GRIK2: variants seen among roughly 807,000 people sequenced by gnomAD.
GRIK2 encodes glutamate receptor ionotropic, kainate 2.
A neutral mutation model predicts 100.3 loss-of-function variants in GRIK2; 32 were observed. The observed-to-expected ratio is 0.32, with a 90% CI of 0.24 to 0.43. The LOEUF (loss-of-function observed/expected upper bound fraction) is 0.43, where lower values mean the gene tolerates loss of function less well. Among genes scored for constraint, GRIK2 ranks in the 20% least tolerant of loss-of-function variants. The probability of loss-of-function intolerance (pLI) is 1.00; values close to 1 mark genes in which losing one functional copy is unlikely to be tolerated. For synonymous variants in GRIK2, 417 were observed against 389.4 expected (o/e 1.07, Z -0.83); for missense variants, 843 against 1,114.9 (o/e 0.76, Z 3.47).
At chr6:101,933,311 C>T (rs982597393) in intron 14 of GRIK2, among the ~76,000 whole-genome samples, 4 of 151,646 alleles carry the variant, frequency 2.6e-5, no homozygotes, top group African/African-American at 9.7e-5. Context: ...ATTTTCTTTT[C>T]CTCTCCTCCT....
intron 4 of GRIK2, among the ~76,000 whole-genome samples, chr6:101,667,329 A>C (rs1452268926): frequency 1.3e-5 from 2 of 152,114 alleles, no homozygotes; most frequent in Non-Finnish European, 2.9e-5. Flanking sequence ...CAAAAACATA[A>C]TGGCCGAATT....
chr6:101,960,286 T>C (rs1792213471), intron 14 of GRIK2, among the ~76,000 whole-genome samples: 1 of 152,022 alleles, frequency 6.6e-6, no homozygotes, highest in Non-Finnish European at 1.5e-5. Context: ...TTGGATCTCA[T>C]TAAGCTTCCT....
At chr6:101,712,657 T>A (rs1425318325) in intron 7 of GRIK2, among the ~76,000 whole-genome samples, 4 of 151,798 alleles carry the variant, frequency 2.6e-5, no homozygotes, top group African/African-American at 9.7e-5. Flanking sequence ...AAAGTGCTTA[T>A]GAGAAAGAAG....
chr6:101,610,553 C>A (rs1045353090), intron 2 of GRIK2, among the ~76,000 whole-genome samples: 15 of 151,708 alleles, frequency 9.9e-5, no homozygotes, highest in African/African-American at 3.6e-4. Context: ...CCCATATTTG[C>A]AAAAGACTGG....
intron 7 of GRIK2, among the ~76,000 whole-genome samples, chr6:101,793,184 A>C (rs1780017310): frequency 6.6e-6 from 1 of 152,026 alleles, no homozygotes; most frequent in African/African-American, 2.4e-5. Context: ...TAGTTTGATC[A>C]TCTGAAGCCT....
intron 2 of GRIK2, among the ~76,000 whole-genome samples, chr6:101,418,519 T>C (rs1057431196): frequency 6.6e-6 from 1 of 152,212 alleles, no homozygotes; most frequent in Non-Finnish European, 1.5e-5. Flanking sequence ...TTGCAAACGA[T>C]TGTCTTTTGT....
intron 2 of GRIK2, among the ~76,000 whole-genome samples, chr6:101,579,952 A>G (rs1452313435): frequency 1.3e-5 from 2 of 151,814 alleles, no homozygotes; most frequent in African/African-American, 4.8e-5. Context: ...TTCCTTTCCA[A>G]CTTTATGACT....
At chr6:101,427,081 C>T (rs1308436232) in intron 2 of GRIK2, among the ~76,000 whole-genome samples, 1 of 152,170 alleles carries the variant, frequency 6.6e-6, no homozygotes, top group Non-Finnish European at 1.5e-5. Flanking sequence ...TGAGAGGGGC[C>T]TGTGGAGCTT....
At chr6:101,511,551 T>C (rs886212205) in intron 2 of GRIK2, among the ~76,000 whole-genome samples, 14 of 151,852 alleles carry the variant, frequency 9.2e-5, no homozygotes, top group African/African-American at 3.4e-4. Context: ...GTATAAAATA[T>C]ATGAATAATA....
chr6:102,060,586 T>C (rs1771697042), intron 16 of GRIK2, among the ~76,000 whole-genome samples: 1 of 150,794 alleles, frequency 6.6e-6, no homozygotes, highest in Non-Finnish European at 1.5e-5. Context: ...TTTAGAAGAA[T>C]ATACTTTTGG....
intron 7 of GRIK2, among the ~76,000 whole-genome samples, chr6:101,743,288 T>A (rs1287824535): frequency 6.6e-6 from 1 of 152,214 alleles, no homozygotes; most frequent in African/African-American, 2.4e-5. Flanking sequence ...AGGAAAAGTT[T>A]AGTTTATATC....
chr6:101,996,686 T>C (rs1794667468), intron 14 of GRIK2, among the ~76,000 whole-genome samples: 1 of 152,134 alleles, frequency 6.6e-6, no homozygotes, highest in Non-Finnish European at 1.5e-5. Context: ...TAATCTGATG[T>C]ACTTTATTCA....
chr6:101,796,231 CT>C (rs1780295761), intron 7 of GRIK2, among the ~76,000 whole-genome samples: 1 of 152,032 alleles, frequency 6.6e-6, no homozygotes, highest in Non-Finnish European at 1.5e-5. Flanking sequence ...GGGATTGCAC[CT>C]GAATAATGGT....
At chr6:101,858,377 TTTTTTTTTC>T (rs1784543910) in intron 10 of GRIK2, among the ~76,000 whole-genome samples, 1 of 6,290 alleles carries the variant, frequency 1.6e-4, no homozygotes, top group African/African-American at 2.3e-4. Context: ...TCTCTCTCTA[TTTTTTTTTC>T]TTTTTTTTTT....
At position 101,443,646 on chromosome 6, in the gene GRIK2, A is replaced by C. The variant is rs145353754; in HGVS notation, c.115+44254A>C. Among the ~76,000 whole-genome samples, 32 of 152,186 alleles carry C rather than the reference A, an allele frequency of 2.1e-4. No individual in the cohort carries two copies. In the East Asian group the frequency reaches 4.8e-3, roughly 23 times the overall value. ...TGATTAATATTATTATATATCAGTGAAAATTATTTCTGAAACTTTTAGTAG... is the reference window on the plus strand; with the variant it reads ...TGATTAATATTATTATATATCAGTGCAAATTATTTCTGAAACTTTTAGTAG... On this transcript the variant is annotated intron_variant, in intron 2 of 16. Transcript: ENST00000369134.
intron 2 of GRIK2, among the ~76,000 whole-genome samples, chr6:101,454,983 C>T (rs1410596517): frequency 1.3e-5 from 2 of 152,062 alleles, no homozygotes; most frequent in Middle Eastern, 3.2e-3. Context: ...TTTTAAAAAA[C>T]ATAATCCTGA....
chr6:101,695,454 C>T (rs915658528), intron 7 of GRIK2, among the ~76,000 whole-genome samples: 2 of 152,078 alleles, frequency 1.3e-5, no homozygotes, highest in African/African-American at 4.8e-5. Context: ...CACTGTCAAA[C>T]CATAGCACGC....
At chr6:101,848,774 T>C (rs1763623062) in intron 10 of GRIK2, among the ~76,000 whole-genome samples, 1 of 152,052 alleles carries the variant, frequency 6.6e-6, no homozygotes, top group Non-Finnish European at 1.5e-5. Flanking sequence ...TTATAAGCTG[T>C]CCCCCATCCC....
intron 7 of GRIK2, among the ~76,000 whole-genome samples, chr6:101,759,052 T>C (rs1274544116): frequency 6.6e-6 from 1 of 152,188 alleles, no homozygotes; most frequent in Non-Finnish European, 1.5e-5. Context: ...CCTCCCAAAC[T>C]AAATGATGCT....
Sources: allele counts gnomAD v4.1 joint callset (sites outside exome capture counted in the v4.1 genomes callset), GRCh38; gene constraint gnomAD v4.1.1; transcripts MANE v1.5; gene names NCBI Gene and HGNC (gene_info 2026-07-23, HGNC 2026-07-21).